Variants in PRDM16 observed in about 807,000 individuals in gnomAD.
PRDM16 encodes histone-lysine N-methyltransferase PRDM16.
Under a neutral mutation model 110.6 loss-of-function variants are expected in PRDM16, and 23 were observed. That is an observed-to-expected ratio of 0.21 (90% CI 0.15 to 0.29). The LOEUF (loss-of-function observed/expected upper bound fraction) is 0.29. Ranked by LOEUF, PRDM16 falls within the 10% of genes least tolerant of loss-of-function variation. PRDM16 has a pLI of 1.00. For missense variants in PRDM16, 1,615 were observed against 1,794.3 expected (o/e 0.90, Z 1.81); for synonymous variants, 799 against 781.8 (o/e 1.02, Z -0.37).
chr1:3,078,960 T>C (rs1028566355), intron 1 of PRDM16, among the ~76,000 whole-genome samples: 1 of 152,246 alleles, frequency 6.6e-6, no homozygotes, highest in East Asian at 1.9e-4. Context: ...AGGCTGGTCA[T>C]ATCAGTCCGT....
intron 2 of PRDM16, among the ~76,000 whole-genome samples, chr1:3,210,976 A>G (rs951588285): frequency 1.3e-5 from 2 of 152,244 alleles, no homozygotes; most frequent in African/African-American, 4.8e-5. Context: ...TTGTCCACGC[A>G]TTCATGAGAT....
At chr1:3,268,229 C>T (rs988993866) in intron 3 of PRDM16, among the ~76,000 whole-genome samples, 4 of 152,154 alleles carry the variant, frequency 2.6e-5, no homozygotes, top group Non-Finnish European at 5.9e-5. Context: ...ACCAGGTGCG[C>T]GTGGAAGTGT....
At chr1:3,075,019 G>A (rs1641865150) in intron 1 of PRDM16, among the ~76,000 whole-genome samples, 1 of 152,248 alleles carries the variant, frequency 6.6e-6, no homozygotes, top group South Asian at 2.1e-4. Flanking sequence ...AGCAGGGGAG[G>A]AGTGGCCTCT....
At chr1:3,299,161 GATGCTGTGCTGTGGCC>G (rs1451582427) in intron 3 of PRDM16, among the ~76,000 whole-genome samples, 9 of 151,804 alleles carry the variant, frequency 5.9e-5, no homozygotes, top group African/African-American at 2.2e-4. Context: ...CCTGGTTGAA[GATGCTGTGCTGTGGCC>G]ATGATGTTTC....
chr1:3,151,995 G>A (rs1204645098), intron 1 of PRDM16, among the ~76,000 whole-genome samples: 5 of 152,224 alleles, frequency 3.3e-5, no homozygotes, highest in Non-Finnish European at 7.3e-5. Flanking sequence ...TGTCCTCTGC[G>A]TGGTGCTTCC....
intron 1 of PRDM16, among the ~76,000 whole-genome samples, chr1:3,070,593 CCGA>C (rs922012457): frequency 6.6e-6 from 1 of 150,716 alleles, no homozygotes; most frequent in Non-Finnish European, 1.5e-5. Flanking sequence ...AGGTCCCCGC[CCGA>C]CCCACGCCGT....
At chr1:3,379,095 AC>A (rs1268913137) in intron 3 of PRDM16, among the ~76,000 whole-genome samples, 1 of 22,982 alleles carries the variant, frequency 4.4e-5, no homozygotes, top group Non-Finnish European at 8.3e-5. Context: ...CTCCCGGTGC[AC>A]CCCTCCCGGT....
chr1:3,141,930 T>C (rs1378168257), intron 1 of PRDM16, among the ~76,000 whole-genome samples: 1 of 152,246 alleles, frequency 6.6e-6, no homozygotes, highest in Non-Finnish European at 1.5e-5. Flanking sequence ...GATTTTTACC[T>C]TTTCTGGCCC....
At chr1:3,433,527 T>G in intron 16 of PRDM16, 150 bp from the exon 17 acceptor site, 1 of 535,566 alleles carries the variant, frequency 1.9e-6, no homozygotes, top group Non-Finnish European at 3.3e-6. Flanking sequence ...CTCACCTGCC[T>G]GTCTGGGATG....
intron 1 of PRDM16, among the ~76,000 whole-genome samples, chr1:3,122,828 T>C (rs1336858132): frequency 6.6e-6 from 1 of 152,204 alleles, no homozygotes; most frequent in Non-Finnish European, 1.5e-5. Context: ...GGTTGAATCT[T>C]CCTGTAGGGC....
chr1:3,325,942 C>G (rs1355588877), intron 3 of PRDM16, among the ~76,000 whole-genome samples: 1 of 147,396 alleles, frequency 6.8e-6, no homozygotes, highest in African/African-American at 2.5e-5. Flanking sequence ...CTTGGCCCTC[C>G]TTGGCCATCC....
chr1:3,398,647 A>T (rs942519491), intron 5 of PRDM16, among the ~76,000 whole-genome samples: 1 of 152,122 alleles, frequency 6.6e-6, no homozygotes, highest in Non-Finnish European at 1.5e-5. Flanking sequence ...TTAGGCACTG[A>T]TTTATTTTTC....
rs72851368 is a variant in PRDM16 at position 3,435,852 on chromosome 1, G to A, written c.*2041G>A. On this transcript the variant is annotated 3_prime_UTR_variant, in exon 17 of 17. Coordinates refer to ENST00000270722, the MANE Select transcript of PRDM16 (RefSeq NM_022114.4). ...AGGAGGCTCAACCCGACGGATCACA[G>A]TGAAAGGGATTCCTCCCACGCCAGA... is the stretch of plus-strand genomic sequence containing the variant. The A allele has an allele frequency of 0.039, 9,020 of 232,158 alleles. 769 individuals are homozygous for A. The highest frequency in any genetic ancestry group is 0.18 in the African/African-American group (8,349 of 45,302). The allele number at this position is 232,158 out of a possible 1,614,324, so 14.4% of individuals were successfully genotyped here.
At chr1:3,076,585 G>A (rs1460984936) in intron 1 of PRDM16, among the ~76,000 whole-genome samples, 3 of 152,194 alleles carry the variant, frequency 2.0e-5, no homozygotes, top group South Asian at 2.1e-4. Flanking sequence ...GGGCTTCTCC[G>A]AGGGTGTCTG....
chr1:3,341,893 G>T (rs1015736737), intron 3 of PRDM16, among the ~76,000 whole-genome samples: 1 of 152,208 alleles, frequency 6.6e-6, no homozygotes, highest in Non-Finnish European at 1.5e-5. Flanking sequence ...TGTCTTCTTC[G>T]GGTAGGTTAG....
intron 3 of PRDM16, among the ~76,000 whole-genome samples, chr1:3,289,104 C>T (rs1640917360): frequency 6.6e-6 from 1 of 152,346 alleles, no homozygotes; most frequent in East Asian, 1.9e-4. Flanking sequence ...GTCCCACTGC[C>T]TTTTCCCTCC....
intron 3 of PRDM16, among the ~76,000 whole-genome samples, chr1:3,379,086 TCCCGGTGCACCCCTCCCGGTGCACCCC>T (rs1643047191): frequency 7.3e-5 from 1 of 13,766 alleles, no homozygotes; most frequent in African/African-American, 3.2e-4. Flanking sequence ...ACACACCCCC[TCCCGGTGCACCCCTCCCGGTGCACCCC>T]CCCAACTCAC....
chr1:3,122,517 G>C (rs1026308482), intron 1 of PRDM16, among the ~76,000 whole-genome samples: 4 of 152,176 alleles, frequency 2.6e-5, no homozygotes, highest in Non-Finnish European at 4.4e-5. Flanking sequence ...GGGCCCACCT[G>C]GGGGCTGCGA....
intron 1 of PRDM16, among the ~76,000 whole-genome samples, chr1:3,181,460 ACGGTCTTACACACG>A (rs372738603): frequency 4.8e-5 from 2 of 42,022 alleles, no homozygotes; most frequent in Admixed American, 2.8e-4. Flanking sequence ...GGTCTTACAC[ACGGTCTTACACACG>A]CAGTCTTACA....
Sources: gnomAD v4.1 joint callset for allele counts (sites outside exome capture counted in the v4.1 genomes callset) on GRCh38, gnomAD v4.1.1 for gene constraint, MANE v1.5 for transcripts, NCBI Gene and HGNC (gene_info 2026-07-23, HGNC 2026-07-21) for gene names.